PPFIBP1: variants seen among roughly 807,000 people sequenced by gnomAD.
PPFIBP1 encodes liprin-beta-1.
PPFIBP1 carries 112 observed loss-of-function variants against 137.8 expected under a neutral mutation model. That is an observed-to-expected ratio of 0.81 (90% CI 0.70 to 0.95). PPFIBP1 has a LOEUF of 0.95. Ranked by LOEUF, PPFIBP1 falls within the 40% of genes least tolerant of loss-of-function variation. The pLI is 0.00. For synonymous variants in PPFIBP1, 378 were observed against 417.3 expected (o/e 0.91, Z 1.15); for missense variants, 1,083 against 1,196.6 (o/e 0.91, Z 1.40).
At chr12:27,567,682 A>G (rs1482454610) in intron 1 of PPFIBP1, among the ~76,000 whole-genome samples, 1 of 152,130 alleles carries the variant, frequency 6.6e-6, no homozygotes, top group East Asian at 1.9e-4. Flanking sequence ...ATTTTCCATA[A>G]TGAAAGTTTC....
intron 1 of PPFIBP1, among the ~76,000 whole-genome samples, chr12:27,560,756 C>G (rs1296607526): frequency 1.3e-5 from 2 of 152,202 alleles, no homozygotes; most frequent in African/African-American, 4.8e-5. Context: ...AAATCCAGCC[C>G]TCCTGGTCCA....
intron 2 of PPFIBP1, among the ~76,000 whole-genome samples, chr12:27,604,766 A>G (rs2054341765): frequency 6.6e-6 from 1 of 152,200 alleles, no homozygotes; most frequent in African/African-American, 2.4e-5. Context: ...GTCTGTTTTC[A>G]CACTGCTGAT....
rs545506164 is a variant in PPFIBP1, at chr12:27,567,118, G to A, written c.-123-11034G>A. 5.9e-5 allele frequency among the ~76,000 whole-genome samples: 9 copies of A among 152,226 alleles called. 1 individual carries two copies. In the South Asian group the frequency reaches 6.2e-4, roughly 11 times the overall value. On this transcript the variant is annotated intron_variant, in intron 1 of 29. Transcript: ENST00000228425. ...TATCAATAAGGAAAAATTAACCTACGTGAATTTTAAAGGTGAACTGGAATG... is the reference window on the plus strand; with the variant it reads ...TATCAATAAGGAAAAATTAACCTACATGAATTTTAAAGGTGAACTGGAATG...
At chr12:27,605,314 A>G (rs2054415590) in intron 2 of PPFIBP1, among the ~76,000 whole-genome samples, 2 of 152,198 alleles carry the variant, frequency 1.3e-5, no homozygotes, top group South Asian at 4.1e-4. Flanking sequence ...AAACCTACCA[A>G]GAGCAAAACT....
chr12:27,583,782 A>T (rs1243452629), intron 2 of PPFIBP1, among the ~76,000 whole-genome samples: 2 of 152,214 alleles, frequency 1.3e-5, no homozygotes. Flanking sequence ...TCTTCTTTGC[A>T]AGACTGTGAG....
In PPFIBP1 at chr12:27,680,015, G is replaced by A. The variant is rs777162575; in HGVS notation, c.1849G>A (p.Ala617Thr). 18 of 1,613,986 alleles carry A rather than the reference G, an allele frequency of 1.1e-5. No individual in the cohort carries two copies. The highest frequency in any genetic ancestry group is 3.3e-5 in the Admixed American group (2 of 59,996). ...CAAAAGAGGAGGGACAAGGGCAACC[G>A]CGGGGCCCCGATTAGGTTGGTCTCG... ...EFKRGGTRATAGPRLGWSRDL... is the reference protein window; with the variant it reads ...EFKRGGTRATTGPRLGWSRDL... The change falls in exon 21 of 30, where the codon GCG becomes ACG. Residue 617 changes from alanine to threonine, a missense_variant. Coordinates refer to ENST00000228425, the MANE Select transcript of PPFIBP1 (RefSeq NM_003622.4).
At chr12:27,658,530 G>A (rs1333474526) in intron 9 of PPFIBP1, among the ~76,000 whole-genome samples, 2 of 152,148 alleles carry the variant, frequency 1.3e-5, no homozygotes, top group African/African-American at 4.8e-5. Context: ...GGTATAAGAA[G>A]TGCTTGTAGT....
At chr12:27,604,653 C>G (rs2054328750) in intron 2 of PPFIBP1, among the ~76,000 whole-genome samples, 1 of 152,240 alleles carries the variant, frequency 6.6e-6, no homozygotes. Context: ...TCTCCCAGAG[C>G]ATCTGTGAAT....
At chr12:27,649,841 T>C (rs2058768206) in intron 6 of PPFIBP1, among the ~76,000 whole-genome samples, 169 bp from the exon 7 acceptor site, 1 of 152,250 alleles carries the variant, frequency 6.6e-6, no homozygotes, top group South Asian at 2.1e-4. Context: ...CATGAGCCAC[T>C]GTGCCCAGCC....
intron 1 of PPFIBP1, among the ~76,000 whole-genome samples, chr12:27,529,708 G>GTAA (rs1489061123): frequency 6.6e-6 from 1 of 151,992 alleles, no homozygotes; most frequent in Non-Finnish European, 1.5e-5. Flanking sequence ...AATAATAATA[G>GTAA]TAAGTTGCCA....
At chr12:27,612,992 G>A (rs2055324095) in intron 2 of PPFIBP1, among the ~76,000 whole-genome samples, 1 of 151,688 alleles carries the variant, frequency 6.6e-6, no homozygotes, top group Non-Finnish European at 1.5e-5. Flanking sequence ...ACCTCTCTAA[G>A]CCTGTAGCAG....
chr12:27,695,458 A>C lies in PPFIBP1; in HGVS notation c.*2576A>C, dbSNP rs765901177. On this transcript the variant is annotated 3_prime_UTR_variant, in exon 30 of 30. Transcript: ENST00000228425. Reference sequence around the variant, plus strand: ...TTCAGGATGGTATAACCTAACTGATAATAGGTAATAAGGTTAAATTTTTTT... The same window carrying C: ...TTCAGGATGGTATAACCTAACTGATCATAGGTAATAAGGTTAAATTTTTTT... 9 of 149,714 alleles carry C rather than the reference A, an allele frequency of 6.0e-5. No individual in the cohort carries two copies. The highest frequency in any genetic ancestry group is 1.2e-4 in the Non-Finnish European group (8 of 68,008). 9.3% of individuals were successfully genotyped at this position (149,714 alleles called of 1,614,324 possible).
intron 1 of PPFIBP1, among the ~76,000 whole-genome samples, chr12:27,570,312 A>G (rs1356998380): frequency 6.6e-6 from 1 of 152,168 alleles, no homozygotes; most frequent in Non-Finnish European, 1.5e-5. Flanking sequence ...AAATAGCTGG[A>G]TACTATTCTG....
chr12:27,554,581 T>C (rs1947094309), intron 1 of PPFIBP1, among the ~76,000 whole-genome samples: 1 of 152,186 alleles, frequency 6.6e-6, no homozygotes, highest in African/African-American at 2.4e-5. Flanking sequence ...AAAAATCAAC[T>C]GAAAACTGAC....
intron 2 of PPFIBP1, among the ~76,000 whole-genome samples, chr12:27,613,226 G>T (rs968329578): frequency 6.6e-5 from 10 of 152,196 alleles, no homozygotes; most frequent in Non-Finnish European, 1.3e-4. Context: ...CAAGGAGCTG[G>T]GTAGCCAAGA....
intron 17 of PPFIBP1, 84 bp from the exon 18 acceptor site, chr12:27,676,344 G>A (rs935596191): frequency 1.3e-5 from 14 of 1,061,554 alleles, no homozygotes; most frequent in African/African-American, 9.8e-5. Flanking sequence ...TGGATGTGGC[G>A]TGAGTGAGTA....
rs772242668 is a variant in PPFIBP1, at chr12:27,689,027, C to T, written c.2509C>T (p.Arg837Cys). 1.2e-6 allele frequency: 2 copies of T among 1,611,884 alleles called. No homozygotes were observed. Among genetic ancestry groups the T allele is most frequent in the Non-Finnish European group, 8.5e-7 (1 of 1,179,370 alleles). Residue 837 changes from arginine to cysteine, a missense_variant, in exon 27 of 30, where the codon CGT becomes TGT. By Grantham distance (180) the Arg-to-Cys change is radical. Coordinates refer to ENST00000228425, the MANE Select transcript of PPFIBP1 (RefSeq NM_003622.4). ...VHGGLMVLEP[R>C]FNVETMAQLL... Reference sequence around the variant, plus strand: ...TTTCTTTAAACAGGTTCTAGAGCCTCGTTTTAACGTAGAAACAATGGCTCA... The same window carrying T: ...TTTCTTTAAACAGGTTCTAGAGCCTTGTTTTAACGTAGAAACAATGGCTCA...
intron 2 of PPFIBP1, among the ~76,000 whole-genome samples, chr12:27,580,853 T>C (rs933375361): frequency 6.6e-6 from 1 of 152,054 alleles, no homozygotes; most frequent in African/African-American, 2.4e-5. Flanking sequence ...CTGAGATTTG[T>C]GGGAAACTAG....
chr12:27,547,419 G>T (rs963925417), intron 1 of PPFIBP1: 1 of 152,164 alleles, frequency 6.6e-6, no homozygotes, highest in Admixed American at 6.5e-5. Flanking sequence ...TTTCAAAGAC[G>T]GTTATCAGCC....
Sources: allele counts gnomAD v4.1 joint callset (sites outside exome capture counted in the v4.1 genomes callset), GRCh38; gene constraint gnomAD v4.1.1; transcripts MANE v1.5; gene names NCBI Gene and HGNC (gene_info 2026-07-23, HGNC 2026-07-21).